Variants in CYP11A1 observed in about 807,000 individuals in gnomAD.
CYP11A1 encodes the protein cytochrome P450 family 11 subfamily A member 1.
In CYP11A1, 25 loss-of-function variants were observed where a neutral mutation model predicts 51.9. The observed-to-expected ratio is 0.48, with a 90% CI of 0.35 to 0.67. The LOEUF (loss-of-function observed/expected upper bound fraction) is 0.67, where lower values mean the gene tolerates loss of function less well. Among genes scored for constraint, CYP11A1 ranks in the 30% least tolerant of loss-of-function variants. The pLI is 0.00. For synonymous variants in CYP11A1, 245 were observed against 262.1 expected, an observed-to-expected ratio of 0.93 and a Z score of 0.63; for missense variants, 578 against 680.9, an observed-to-expected ratio of 0.85 and a Z score of 1.68.
chr15:74,344,613 A>G (rs2141234861), intron 3 of CYP11A1, among the ~76,000 whole-genome samples: 1 of 152,282 alleles, frequency 6.6e-6, no homozygotes, highest in South Asian at 2.1e-4. Flanking sequence ...TACCCCATCT[A>G]GATAACTCCT....
intron 1 of CYP11A1, chr15:74,362,079 C>T: frequency 7.3e-7 from 1 of 1,362,394 alleles, no homozygotes. Flanking sequence ...AACCACCAGA[C>T]CATTCCTTCT....
At position 74,343,929 on chromosome 15, in the gene CYP11A1, G is replaced by C; in HGVS notation, c.689C>G (p.Ala230Gly). 6.2e-7 allele frequency: 1 copy of C among 1,614,124 alleles called. No individual in the cohort carries two copies. Among genetic ancestry groups the C allele is most frequent in the Non-Finnish European group, 8.5e-7 (1 of 1,180,030 alleles). ...GMLEEVVNPE[A>G]QRFIDAIYQM... The stretch of plus-strand genomic sequence containing the variant: ...GTAGATGGCATCAATGAATCGCTGG[G>C]CCTCGGGGTTCACTACTTCCTCCAG... The change falls in exon 4 of 9, where the codon GCC (alanine) becomes GGC (glycine). Residue 230 changes from alanine (A) to glycine (G), a missense_variant. Coordinates refer to ENST00000268053, the MANE Select transcript of CYP11A1 (RefSeq NM_000781.3).
chr15:74,347,552 G>T (rs576219242), intron 2 of CYP11A1, among the ~76,000 whole-genome samples: 39 of 152,288 alleles, frequency 2.6e-4, no homozygotes, highest in Non-Finnish European at 3.7e-4. Flanking sequence ...TGCTCTATTT[G>T]TCACTGTATC....
intron 7 of CYP11A1, among the ~76,000 whole-genome samples, 173 bp from the exon 8 acceptor site, chr15:74,338,941 G>A (rs978196986): frequency 3.9e-5 from 6 of 152,028 alleles, no homozygotes; most frequent in Non-Finnish European, 5.9e-5. Context: ...ACAAGGCCCC[G>A]CCCCTCTGTA....
intron 3 of CYP11A1, among the ~76,000 whole-genome samples, chr15:74,344,614 G>C (rs2060623243): frequency 6.6e-6 from 1 of 152,164 alleles, no homozygotes; most frequent in Non-Finnish European, 1.5e-5. Context: ...ACCCCATCTA[G>C]ATAACTCCTA....
intron 1 of CYP11A1, chr15:74,366,010 G>A: frequency 1.0e-6 from 1 of 986,222 alleles, no homozygotes; most frequent in Non-Finnish European, 1.2e-6. Flanking sequence ...CCGCGGGGCC[G>A]AGCGCCTGGA....
At chr15:74,365,702 C>A (rs2060729041) in intron 1 of CYP11A1, 3 of 985,518 alleles carry the variant, frequency 3.0e-6, no homozygotes, top group East Asian at 1.1e-4. Flanking sequence ...GAGGTCCGGC[C>A]GCGCGGACGT....
intron 1 of CYP11A1, among the ~76,000 whole-genome samples, chr15:74,352,107 TTAAG>T (rs2060658997): frequency 6.6e-6 from 1 of 152,160 alleles, no homozygotes; most frequent in South Asian, 2.1e-4. Flanking sequence ...CACTCATAAA[TTAAG>T]TAAATAAGTC....
chr15:74,346,364 A>G (rs1567053531), intron 2 of CYP11A1, among the ~76,000 whole-genome samples: 1 of 151,006 alleles, frequency 6.6e-6, no homozygotes, highest in African/African-American at 2.4e-5. Flanking sequence ...AAAAAAAAAA[A>G]AAAAAAAAAG....
At chr15:74,357,161 T>G (rs2060684170) in intron 1 of CYP11A1, among the ~76,000 whole-genome samples, 2 of 152,200 alleles carry the variant, frequency 1.3e-5, no homozygotes, top group African/African-American at 4.8e-5. Flanking sequence ...CAACCCATTA[T>G]TCTGTTCTGG....
intron 6 of CYP11A1, 110 bp downstream of exon 6, chr15:74,339,477 C>A: frequency 6.7e-7 from 1 of 1,497,336 alleles, no homozygotes; most frequent in East Asian, 2.3e-5. Flanking sequence ...TTTTCACTTC[C>A]TGCTTCCAAC....
intron 1 of CYP11A1, chr15:74,348,296 C>G (rs1325243876): frequency 5.4e-6 from 3 of 554,954 alleles, no homozygotes; most frequent in East Asian, 6.2e-5. Flanking sequence ...GTTAAACATT[C>G]TACAAGTGAG....
intron 5 of CYP11A1, among the ~76,000 whole-genome samples, chr15:74,341,345 A>G (rs74857110): frequency 0.018 from 2,788 of 152,320 alleles, 59 homozygotes; most frequent in East Asian, 0.12. Flanking sequence ...GGTATGCTCA[A>G]AGGCTCCATT....
chr15:74,367,423 C>A lies in CYP11A1; in HGVS notation c.163G>T (p.Gly55Cys), dbSNP rs770596058. The A allele has an allele frequency of 6.2e-7, 1 of 1,614,090 alleles. No individual in the cohort carries two copies. Among genetic ancestry groups the A allele is most frequent in the Non-Finnish European group, 8.5e-7 (1 of 1,180,044 alleles). The change falls in exon 1 of 9, where the codon GGT becomes TGT. Residue 55 changes from glycine to cysteine, a missense_variant. Coordinates refer to ENST00000268053, the MANE Select transcript of CYP11A1 (RefSeq NM_000781.3). Reference protein sequence around the residue: ...PRPFNEIPSPGDNGWLNLYHF... With the variant: ...PRPFNEIPSPCDNGWLNLYHF... ...TACAGGTTTAGCCAGCCATTGTCAC[C>A]AGGAGAGGGGATCTCATTGAAGGGG...
At chr15:74,361,700 T>C (rs2060709643) in intron 1 of CYP11A1, 3 of 1,237,284 alleles carry the variant, frequency 2.4e-6, no homozygotes, top group South Asian at 1.2e-5. Flanking sequence ...GTTATAAGGG[T>C]TCCTGCTTTC....
At chr15:74,342,325 G>A (rs911015197) in intron 5 of CYP11A1, among the ~76,000 whole-genome samples, 9 of 152,212 alleles carry the variant, frequency 5.9e-5, no homozygotes, top group Middle Eastern at 6.8e-3. Context: ...CTCATGATCC[G>A]CCCACCTCTG....
Position 74,343,047 on chromosome 15 carries a change from C to T in CYP11A1, c.920G>A (p.Gly307Glu). ...DYRGILYRLL[G>E]DSKMSFEDIK... ...GTCCTCGAAGGACATCTTGCTGTCTCCCAGGAGTCTGTAGAGGATGCCACG... is the reference window on the plus strand; with the variant it reads ...GTCCTCGAAGGACATCTTGCTGTCTTCCAGGAGTCTGTAGAGGATGCCACG... Residue 307 changes from glycine to glutamate, a missense_variant, in exon 5 of 9, where the codon GGA (glycine) becomes GAA (glutamate). Coordinates refer to ENST00000268053, the MANE Select transcript of CYP11A1 (RefSeq NM_000781.3). 6.2e-7 allele frequency: 1 copy of T among 1,613,610 alleles called. No individual in the cohort carries two copies. Among genetic ancestry groups the T allele is most frequent in the Non-Finnish European group, 8.5e-7 (1 of 1,180,024 alleles).
chr15:74,345,029 T>G lies in CYP11A1; in HGVS notation c.625+15A>C. 1 of 1,613,342 alleles carries G rather than the reference T, an allele frequency of 6.2e-7. No individual in the cohort carries two copies. The highest frequency in any genetic ancestry group is 8.5e-7 in the Non-Finnish European group (1 of 1,179,370). ...ACCCCCATGCCCACTGCCAGCCAGGTGCAAGCCCCCTTACACTCAAAGGCA... is the reference window on the plus strand; with the variant it reads ...ACCCCCATGCCCACTGCCAGCCAGGGGCAAGCCCCCTTACACTCAAAGGCA... On this transcript the variant is annotated intron_variant, in intron 3 of 8. Transcript: ENST00000268053. This position sits in a 1 kb window ranked among gnomAD's most constrained non-coding sequence, Gnocchi z 4.3.
chr15:74,361,466 G>A, intron 1 of CYP11A1: 1 of 433,834 alleles, frequency 2.3e-6, no homozygotes. Context: ...TGTTAAACCA[G>A]CTAATACTGA....
Sources: allele counts gnomAD v4.1 joint callset (sites outside exome capture counted in the v4.1 genomes callset), GRCh38; gene constraint gnomAD v4.1.1; non-coding constraint Gnocchi (gnomAD v3.1); transcripts MANE v1.5; gene names NCBI Gene and HGNC (gene_info 2026-07-23, HGNC 2026-07-21).